CTTNBP2: variants seen among roughly 807,000 people sequenced by gnomAD.
CTTNBP2 encodes cortactin binding protein 2.
Under a neutral mutation model 156.9 loss-of-function variants are expected in CTTNBP2, and 108 were observed. The observed-to-expected ratio is 0.69, with a 90% CI of 0.59 to 0.81. The LOEUF (loss-of-function observed/expected upper bound fraction) is 0.81. Among genes scored for constraint, CTTNBP2 ranks in the 30% least tolerant of loss-of-function variants. CTTNBP2 has a pLI of 0.00. For synonymous variants in CTTNBP2, 767 were observed against 751.8 expected (o/e 1.02, Z -0.33); for missense variants, 1,924 against 2,035.4 (o/e 0.95, Z 1.05).
intron 3 of CTTNBP2, chr7:117,793,604 G>A (rs144063077): frequency 1.3e-5 from 2 of 152,342 alleles, no homozygotes; most frequent in East Asian, 3.9e-4. Context: ...GGGAGGGTGA[G>A]TAGGAGCAAA....
At chr7:117,724,758 G>C in intron 18 of CTTNBP2, 26 bp from the exon 19 acceptor site, 2 of 1,609,486 alleles carry the variant, frequency 1.2e-6, no homozygotes, top group Non-Finnish European at 1.7e-6. Context: ...TCACAGCAGG[G>C]ATAATGCAGT....
At chr7:117,797,610 A>G (rs1799387986) in intron 3 of CTTNBP2, among the ~76,000 whole-genome samples, 1 of 152,210 alleles carries the variant, frequency 6.6e-6, no homozygotes, top group African/African-American at 2.4e-5. Flanking sequence ...AACTATAAAA[A>G]AAGAACCAAA....
chr7:117,798,162 A>G (rs1799424180), intron 3 of CTTNBP2, among the ~76,000 whole-genome samples: 2 of 152,204 alleles, frequency 1.3e-5, no homozygotes, highest in South Asian at 4.1e-4. Context: ...GGAAAAATAG[A>G]CAAATCTACA....
intron 22 of CTTNBP2, chr7:117,714,174 C>T (rs1226340686): frequency 6.6e-6 from 1 of 152,212 alleles, no homozygotes; most frequent in Admixed American, 6.5e-5. Flanking sequence ...TGTAAAGATG[C>T]TTATGCTGTC....
At chr7:117,733,340 G>A (rs970859363) in intron 16 of CTTNBP2, among the ~76,000 whole-genome samples, 3 of 152,184 alleles carry the variant, frequency 2.0e-5, no homozygotes, top group Admixed American at 1.3e-4. Context: ...AAAAGAGAGT[G>A]AACCTGAAGC....
intron 2 of CTTNBP2, among the ~76,000 whole-genome samples, chr7:117,845,264 T>C (rs1399188991): frequency 6.6e-6 from 1 of 152,142 alleles, no homozygotes; most frequent in Non-Finnish European, 1.5e-5. Context: ...TTTCAGTAAA[T>C]AAATGACATG....
chr7:117,863,246 CAG>C (rs1256524231), intron 1 of CTTNBP2, among the ~76,000 whole-genome samples: 16 of 152,248 alleles, frequency 1.1e-4, no homozygotes, highest in Admixed American at 9.2e-4. Flanking sequence ...ATACACTAGA[CAG>C]AGAAGTTATT....
intron 8 of CTTNBP2, among the ~76,000 whole-genome samples, chr7:117,769,927 C>T (rs2116714005): frequency 6.6e-6 from 1 of 152,320 alleles, no homozygotes; most frequent in East Asian, 1.9e-4. Context: ...TTTAACATTT[C>T]CCTGCTTTCA....
intron 11 of CTTNBP2, among the ~76,000 whole-genome samples, chr7:117,757,665 C>A (rs1323581865): frequency 6.6e-6 from 1 of 151,888 alleles, no homozygotes; most frequent in Non-Finnish European, 1.5e-5. Flanking sequence ...ATGATCCAGA[C>A]AGACATTACC....
chr7:117,764,918 G>T (rs1035751645), intron 9 of CTTNBP2, among the ~76,000 whole-genome samples: 24 of 151,968 alleles, frequency 1.6e-4, no homozygotes, highest in African/African-American at 5.6e-4. Context: ...GACATATTCT[G>T]TTCTTCAGGT....
At chr7:117,862,056 TAC>T (rs150931611) in intron 1 of CTTNBP2, among the ~76,000 whole-genome samples, 38 of 148,498 alleles carry the variant, frequency 2.6e-4, no homozygotes, top group South Asian at 4.3e-4. Flanking sequence ...CACCAGCACA[TAC>T]ACACACACAC....
At chr7:117,791,064 A>G (rs1798970926) in intron 4 of CTTNBP2, 64 bp downstream of exon 4, 3 of 1,374,280 alleles carry the variant, frequency 2.2e-6, no homozygotes, top group African/African-American at 2.9e-5. Context: ...TGTGAAGAAA[A>G]TCAAGGCAAG....
At chr7:117,811,302 C>T (rs1321493769) in intron 2 of CTTNBP2, among the ~76,000 whole-genome samples, 2 of 151,990 alleles carry the variant, frequency 1.3e-5, no homozygotes, top group African/African-American at 4.8e-5. Flanking sequence ...TTTTACACCC[C>T]CACCCCTCCA....
intron 12 of CTTNBP2, among the ~76,000 whole-genome samples, chr7:117,746,859 A>G (rs1037806916): frequency 1.3e-5 from 2 of 152,194 alleles, no homozygotes; most frequent in African/African-American, 4.8e-5. Context: ...GCTTATATAT[A>G]TTTTTTAAAC....
intron 19 of CTTNBP2, 46 bp downstream of exon 19, chr7:117,724,501 G>T: frequency 6.6e-7 from 1 of 1,509,350 alleles, no homozygotes; most frequent in Non-Finnish European, 9.0e-7. Context: ...ACTGGATCAC[G>T]TATGTCCACC....
intron 21 of CTTNBP2, 74 bp downstream of exon 21, chr7:117,719,430 G>A (rs1794653133): frequency 5.1e-6 from 7 of 1,360,054 alleles, no homozygotes; most frequent in Non-Finnish European, 7.0e-6. Context: ...ATTTCTTTTA[G>A]GGAATTGTGG....
intron 20 of CTTNBP2, 72 bp from the exon 21 acceptor site, chr7:117,719,708 C>T: frequency 7.5e-7 from 1 of 1,333,296 alleles, no homozygotes; most frequent in Non-Finnish European, 1.0e-6. Flanking sequence ...GACACTGTAC[C>T]TTTTTTGGGA....
In CTTNBP2 at chr7:117,781,936, C is replaced by G. The variant is rs181108971; in HGVS notation, c.2372+926G>C. 8.7e-4 allele frequency among the ~76,000 whole-genome samples: 132 copies of G among 152,238 alleles called. 4 individuals carry two copies. The highest frequency in any genetic ancestry group is 3.0e-3 in the African/African-American group (126 of 41,540). On this transcript the variant is annotated intron_variant, in intron 6 of 22. Transcript: ENST00000160373. ...TCAGGATATGTCCCAAGAGTAACAG[C>G]AAAATCAGTGTCTAGGGTTCTCAAT...
At chr7:117,803,473 C>T (rs2116926882) in intron 3 of CTTNBP2, among the ~76,000 whole-genome samples, 1 of 152,300 alleles carries the variant, frequency 6.6e-6, no homozygotes, top group East Asian at 1.9e-4. Flanking sequence ...CACCCCAAAA[C>T]TCAGCATCAT....
Sources: gnomAD v4.1 joint callset for allele counts (sites outside exome capture counted in the v4.1 genomes callset) on GRCh38, gnomAD v4.1.1 for gene constraint, MANE v1.5 for transcripts, NCBI Gene and HGNC (gene_info 2026-07-23, HGNC 2026-07-21) for gene names.